ECM2: variants seen among roughly 807,000 people sequenced by gnomAD.
The protein encoded by ECM2 is extracellular matrix protein 2, female organ and adipocyte specific.
Under a neutral mutation model 67.5 loss-of-function variants are expected in ECM2, and 57 were observed. That is an observed-to-expected ratio of 0.84 (90% CI 0.68 to 1.05). ECM2 has a LOEUF of 1.05. Among genes scored for constraint, ECM2 ranks in the 50% least tolerant of loss-of-function variants. ECM2 has a pLI of 0.00. For synonymous variants in ECM2, 258 were observed against 294.5 expected (o/e 0.88, Z 1.27); for missense variants, 741 against 822.8 (o/e 0.90, Z 1.22).
intron 7 of ECM2, 56 bp from the exon 8 acceptor site, chr9:92,502,708 TTTCA>T: frequency 7.2e-7 from 1 of 1,379,982 alleles, no homozygotes; most frequent in Non-Finnish European, 9.9e-7. Flanking sequence ...ATACGTTCAA[TTTCA>T]TGGAGACTAA....
chr9:92,558,096 T>C, the ECM2 span, among the ~76,000 whole-genome samples: 1 of 152,232 alleles, frequency 6.6e-6, no homozygotes, highest in Non-Finnish European at 1.5e-5. Context: ...CTCTGGTCCC[T>C]CCCTGATTAG....
the ECM2 span, among the ~76,000 whole-genome samples, chr9:92,555,068 G>C: frequency 6.6e-6 from 1 of 151,972 alleles, no homozygotes; most frequent in African/African-American, 2.4e-5. Context: ...GTATTAAGGT[G>C]ATGCTGGCTT....
chr9:92,509,636 T>G lies in ECM2; in HGVS notation c.1306+263A>C, dbSNP rs117185032. 5.8e-3 allele frequency among the ~76,000 whole-genome samples: 889 copies of G among 152,320 alleles called. 4 individuals carry two copies. Among genetic ancestry groups the G allele is most frequent in the Non-Finnish European group, 9.4e-3 (640 of 68,026 alleles). On this transcript the variant is annotated intron_variant, in intron 6 of 9. Transcript: ENST00000344604. Reference sequence around the variant, plus strand: ...CAGATATTTTGGATTTGTAGTAAATTTATTGCCTTGTGAATAATAAGAACC... The same window carrying G: ...CAGATATTTTGGATTTGTAGTAAATGTATTGCCTTGTGAATAATAAGAACC...
the ECM2 span, among the ~76,000 whole-genome samples, chr9:92,546,392 C>T: frequency 6.6e-6 from 1 of 152,182 alleles, no homozygotes; most frequent in African/African-American, 2.4e-5. Flanking sequence ...CTTGCTGCTG[C>T]TCACTCTTTG....
intron 1 of ECM2, among the ~76,000 whole-genome samples, chr9:92,524,256 T>G (rs923189566): frequency 6.6e-6 from 1 of 152,242 alleles, no homozygotes; most frequent in Admixed American, 6.5e-5. Flanking sequence ...TATAAGGAGG[T>G]AAGAGTCAGG....
the ECM2 span, among the ~76,000 whole-genome samples, chr9:92,547,830 A>T: frequency 6.6e-6 from 1 of 152,146 alleles, no homozygotes; most frequent in South Asian, 2.1e-4. Context: ...GATAGCTGTT[A>T]TTTTTTTAAA....
At chr9:92,521,135 A>G (rs1848043527) in intron 2 of ECM2, among the ~76,000 whole-genome samples, 1 of 152,246 alleles carries the variant, frequency 6.6e-6, no homozygotes, top group Admixed American at 6.5e-5. Context: ...ATCAAAAAGT[A>G]CTGTAAGATC....
chr9:92,515,331 A>G, intron 3 of ECM2, 128 bp from the exon 4 acceptor site: 1 of 1,215,172 alleles, frequency 8.2e-7, no homozygotes, highest in Non-Finnish European at 1.0e-6. Context: ...TAAAGATGAA[A>G]TGCACCTTGA....
chr9:92,512,462 T>C (rs1329349198), intron 4 of ECM2, among the ~76,000 whole-genome samples: 1 of 152,190 alleles, frequency 6.6e-6, no homozygotes, highest in African/African-American at 2.4e-5. Flanking sequence ...TGTGGAAGGT[T>C]ACACAGAAAC....
intron 1 of ECM2, among the ~76,000 whole-genome samples, chr9:92,533,707 T>A (rs1330030052): frequency 6.6e-6 from 1 of 152,166 alleles, no homozygotes; most frequent in Non-Finnish European, 1.5e-5. Context: ...GAGAATGTTG[T>A]AAGTTGTAAA....
chr9:92,507,079 G>A (rs377564724), intron 6 of ECM2, among the ~76,000 whole-genome samples: 2 of 152,118 alleles, frequency 1.3e-5, no homozygotes, highest in Admixed American at 1.3e-4. Context: ...AGCTAATTCT[G>A]GGAGGGCCTT....
Position 92,522,653 on chromosome 9 carries a change from A to T in ECM2, c.214T>A (p.Phe72Ile). The T allele has an allele frequency of 1.2e-6, 2 of 1,614,024 alleles. No individual in the cohort carries two copies. Among genetic ancestry groups the T allele is most frequent in the South Asian group, 2.2e-5 (2 of 91,032 alleles). ...AACTTTTCCTCCATGCTATAATCAA[A>T]GTTAACAATAGGAAGTCTTGCTACT... ...TPVARLPIVN[F>I]DYSMEEKFES... is the part of the protein sequence containing the mutation. Residue 72 changes from phenylalanine to isoleucine, a missense_variant, in exon 2 of 10, where the codon TTT becomes ATT. Transcript: ENST00000344604.
chr9:92,544,453 G>A, the ECM2 span, among the ~76,000 whole-genome samples: 3 of 152,154 alleles, frequency 2.0e-5, no homozygotes. Context: ...TCCAGCCTGG[G>A]CAACAGAGCA....
At chr9:92,551,943 A>AT in the ECM2 span, among the ~76,000 whole-genome samples, 34 of 107,694 alleles carry the variant, frequency 3.2e-4, no homozygotes, top group African/African-American at 3.7e-4. Context: ...ATATATATAT[A>AT]TATATATATG....
intron 9 of ECM2, among the ~76,000 whole-genome samples, chr9:92,497,467 A>G (rs894194625): frequency 3.3e-5 from 5 of 152,030 alleles, no homozygotes; most frequent in Admixed American, 2.0e-4. Flanking sequence ...TCTACTGAAA[A>G]TACAAAATTA....
the ECM2 span, among the ~76,000 whole-genome samples, chr9:92,551,968 GA>G: frequency 3.1e-5 from 3 of 97,946 alleles, 1 homozygote; most frequent in Non-Finnish European, 5.9e-5. Context: ...ATATATGTGT[GA>G]TATATATGTG....
At chr9:92,553,585 G>A in the ECM2 span, among the ~76,000 whole-genome samples, 1 of 152,060 alleles carries the variant, frequency 6.6e-6, no homozygotes, top group South Asian at 2.1e-4. Flanking sequence ...ATTTCTTTCA[G>A]CAGTGTTTTG....
At chr9:92,499,589 A>G (rs1354875056) in intron 9 of ECM2, among the ~76,000 whole-genome samples, 1 of 152,238 alleles carries the variant, frequency 6.6e-6, no homozygotes, top group Non-Finnish European at 1.5e-5. Context: ...GACAAACATT[A>G]GACGCCTTCT....
the ECM2 span, among the ~76,000 whole-genome samples, chr9:92,554,774 A>G: frequency 6.6e-6 from 1 of 152,028 alleles, no homozygotes. Context: ...AATAGCTGAG[A>G]CTACAGGCGC....
Sources: gnomAD v4.1 joint callset for allele counts (sites outside exome capture counted in the v4.1 genomes callset) on GRCh38, gnomAD v4.1.1 for gene constraint, MANE v1.5 for transcripts, NCBI Gene and HGNC (gene_info 2026-07-23, HGNC 2026-07-21) for gene names.